AFG1L: variants seen among roughly 807,000 people sequenced by gnomAD.
AFG1L encodes the protein AFG1-like ATPase.
Under a neutral mutation model 62.2 loss-of-function variants are expected in AFG1L, and 53 were observed. The ratio of observed to expected loss-of-function variants is 0.85; its 90% CI spans 0.68 to 1.07. The LOEUF is 1.07. Among genes scored for constraint, AFG1L ranks in the 50% least tolerant of loss-of-function variants. The probability of loss-of-function intolerance (pLI) is 0.00; values close to 1 mark genes in which losing one functional copy is unlikely to be tolerated. For missense variants in AFG1L, 555 were observed against 590.5 expected, an observed-to-expected ratio of 0.94 and a Z score of 0.62; for synonymous variants, 228 against 210.3, an observed-to-expected ratio of 1.08 and a Z score of -0.73.
rs755478314 is a variant in AFG1L at position 108,295,069 on chromosome 6, C to G, written c.-11C>G. On this transcript the variant is annotated 5_prime_UTR_variant, in exon 1 of 13. Transcript: ENST00000368977. ...AAGTTTTCCTCTTCCTCTCCTCGTA[C>G]GGAGTTCAAGATGGCGGCCTCCTGG... 6 of 1,610,502 alleles carry G rather than the reference C, an allele frequency of 3.7e-6. No homozygotes were observed. In the South Asian group the frequency reaches 6.6e-5, roughly 18 times the overall value.
intron 8 of AFG1L, among the ~76,000 whole-genome samples, chr6:108,449,455 A>G (rs1040692476): frequency 2.6e-5 from 4 of 151,476 alleles, no homozygotes; most frequent in Non-Finnish European, 4.4e-5. Context: ...GGAAAATAAT[A>G]TGAGTTACTA....
chr6:108,471,702 G>A (rs984587442), intron 8 of AFG1L, among the ~76,000 whole-genome samples: 3 of 151,684 alleles, frequency 2.0e-5, no homozygotes, highest in Non-Finnish European at 4.4e-5. Context: ...CTCTTGATCC[G>A]CCCGCCTCGG....
intron 1 of AFG1L, among the ~76,000 whole-genome samples, chr6:108,300,947 T>C (rs1219573094): frequency 6.6e-6 from 1 of 152,180 alleles, no homozygotes; most frequent in Non-Finnish European, 1.5e-5. Context: ...GCTGGAATTA[T>C]AGGCGTGAGC....
At chr6:108,371,264 A>C (rs948673042) in intron 6 of AFG1L, among the ~76,000 whole-genome samples, 2 of 152,164 alleles carry the variant, frequency 1.3e-5, no homozygotes, top group African/African-American at 4.8e-5. Context: ...ACTACAAGAC[A>C]CTAGAAATGT....
intron 5 of AFG1L, among the ~76,000 whole-genome samples, chr6:108,365,179 G>T (rs1290438557): frequency 2.0e-5 from 3 of 152,104 alleles, no homozygotes; most frequent in Admixed American, 6.6e-5. Context: ...TTTACATTGG[G>T]AGTATCTAAA....
chr6:108,461,774 A>G (rs1407443618), intron 8 of AFG1L, among the ~76,000 whole-genome samples: 1 of 151,930 alleles, frequency 6.6e-6, no homozygotes, highest in Non-Finnish European at 1.5e-5. Flanking sequence ...AGACTGTTTT[A>G]AAAAATTGTT....
chr6:108,453,161 A>G (rs2114763965), intron 8 of AFG1L, among the ~76,000 whole-genome samples: 1 of 152,334 alleles, frequency 6.6e-6, no homozygotes. Flanking sequence ...TCTGAAGCAC[A>G]TTGTTCAGTT....
intron 11 of AFG1L, among the ~76,000 whole-genome samples, chr6:108,511,483 C>T (rs1187813985): frequency 6.6e-6 from 1 of 152,128 alleles, no homozygotes; most frequent in African/African-American, 2.4e-5. Context: ...CTAGAAAAAA[C>T]AGATAATAAT....
At chr6:108,483,488 T>A (rs939151490) in intron 10 of AFG1L, among the ~76,000 whole-genome samples, 1 of 152,170 alleles carries the variant, frequency 6.6e-6, no homozygotes, top group Non-Finnish European at 1.5e-5. Context: ...AATGAAAGAA[T>A]CCTACCGAAA....
At chr6:108,323,364 TTTAA>T (rs1253062821) in intron 1 of AFG1L, among the ~76,000 whole-genome samples, 3 of 152,134 alleles carry the variant, frequency 2.0e-5, no homozygotes, top group African/African-American at 4.8e-5. Context: ...ATATTCATTG[TTTAA>T]TTATTTTTTT....
intron 10 of AFG1L, among the ~76,000 whole-genome samples, chr6:108,478,031 C>T (rs1239252818): frequency 6.6e-6 from 1 of 152,184 alleles, no homozygotes; most frequent in East Asian, 1.9e-4. Flanking sequence ...ATTTATCATT[C>T]TAGCTGGTCT....
chr6:108,358,883 A>G (rs1037266979), intron 5 of AFG1L, among the ~76,000 whole-genome samples: 2 of 152,234 alleles, frequency 1.3e-5, no homozygotes, highest in Non-Finnish European at 2.9e-5. Flanking sequence ...AAGACTAAGA[A>G]GGTTAGGATG....
chr6:108,504,596 A>T (rs1774327626), intron 10 of AFG1L, among the ~76,000 whole-genome samples: 1 of 152,220 alleles, frequency 6.6e-6, no homozygotes, highest in Non-Finnish European at 1.5e-5. Context: ...ACAAAATGTG[A>T]CACAGAGACA....
At chr6:108,299,479 G>A (rs1366371101) in intron 1 of AFG1L, among the ~76,000 whole-genome samples, 1 of 152,090 alleles carries the variant, frequency 6.6e-6, no homozygotes, top group Non-Finnish European at 1.5e-5. Context: ...TAGGGCCAAA[G>A]GATTTTAGAG....
intron 6 of AFG1L, among the ~76,000 whole-genome samples, chr6:108,401,683 T>C (rs1484449707): frequency 1.3e-5 from 2 of 152,186 alleles, no homozygotes. Context: ...TATCTAATCT[T>C]CTCATATTGG....
chr6:108,490,734 G>A (rs1214164760), intron 10 of AFG1L, among the ~76,000 whole-genome samples: 2 of 152,154 alleles, frequency 1.3e-5, no homozygotes, highest in African/African-American at 2.4e-5. Context: ...TAAAGCCAAC[G>A]ATGCTTTGTC....
At chr6:108,452,909 T>C (rs1051320417) in intron 8 of AFG1L, among the ~76,000 whole-genome samples, 3 of 152,182 alleles carry the variant, frequency 2.0e-5, no homozygotes, top group African/African-American at 7.2e-5. Flanking sequence ...CTGCTTTTTG[T>C]CTCGAGGGAG....
At chr6:108,417,872 C>T (rs1362105693) in intron 7 of AFG1L, among the ~76,000 whole-genome samples, 4 of 152,156 alleles carry the variant, frequency 2.6e-5, no homozygotes, top group East Asian at 1.9e-4. Context: ...CTCACTCTGT[C>T]GCCCAGGCTG....
chr6:108,340,614 C>T (rs889074621), intron 2 of AFG1L, among the ~76,000 whole-genome samples: 13 of 152,174 alleles, frequency 8.5e-5, no homozygotes, highest in African/African-American at 3.1e-4. Context: ...ATCTGCCCGC[C>T]TCAGCCTCCC....
Sources: gnomAD v4.1 joint callset for allele counts (sites outside exome capture counted in the v4.1 genomes callset) on GRCh38, gnomAD v4.1.1 for gene constraint, MANE v1.5 for transcripts, NCBI Gene and HGNC (gene_info 2026-07-23, HGNC 2026-07-21) for gene names.